RACK1: variants seen among roughly 807,000 people sequenced by gnomAD.
RACK1 encodes the protein small ribosomal subunit protein RACK1.
A neutral mutation model predicts 42.2 loss-of-function variants in RACK1; 3 were observed. The ratio of observed to expected loss-of-function variants is 0.07; its 90% CI spans 0.03 to 0.18. The LOEUF is 0.18. Ranked by LOEUF, RACK1 falls within the 10% of genes least tolerant of loss-of-function variation. The pLI is 1.00. For missense variants in RACK1, 146 were observed against 403.2 expected, an observed-to-expected ratio of 0.36 and a Z score of 5.46; for synonymous variants, 181 against 154.8, an observed-to-expected ratio of 1.17 and a Z score of -1.25.
At chr5:181,237,538 GAT>G (rs1759186907) in intron 7 of RACK1, 69 bp downstream of exon 7, 1 of 851,084 alleles carries the variant, frequency 1.2e-6, no homozygotes, top group African/African-American at 1.7e-5. Context: ...TGACAGACTA[GAT>G]ATACTAACAG....
Position 181,239,534 on chromosome 5 carries a change from T to C in RACK1, c.478A>G (p.Ser160Gly). ...WVSCVRFSPNSSNPIIVSCGW... is the reference protein window; with the variant it reads ...WVSCVRFSPNGSNPIIVSCGW... ...CAGGAGACGATGATAGGGTTGCTGCTGTTGGGCGAGAAGCGGACACAAGAC... is the reference window on the plus strand; with the variant it reads ...CAGGAGACGATGATAGGGTTGCTGCCGTTGGGCGAGAAGCGGACACAAGAC... Residue 160 changes from serine to glycine, a missense_variant, in exon 4 of 8, where the codon AGC becomes GGC. Coordinates refer to ENST00000512805, the MANE Select transcript of RACK1 (RefSeq NM_006098.5). 4 of 1,614,048 alleles carry C rather than the reference T, an allele frequency of 2.5e-6. No individual in the cohort carries two copies. The highest frequency in any genetic ancestry group is 1.3e-5 in the African/African-American group (1 of 75,036).
In RACK1 at chr5:181,243,862, C is replaced by T. The variant is rs2113222336; in HGVS notation, c.-62G>A. ...GATGGCACTGGATGGCTTAGAGAAA[C>T]TAGCACCACAACCTCTCCTGCCGCC... On this transcript the variant is annotated 5_prime_UTR_variant, in exon 1 of 8. Coordinates refer to ENST00000512805, the MANE Select transcript of RACK1 (RefSeq NM_006098.5). 1.3e-6 allele frequency: 2 copies of T among 1,528,652 alleles called. No individual in the cohort carries two copies. Among genetic ancestry groups the T allele is most frequent in the South Asian group, 1.2e-5 (1 of 82,012 alleles). 94.7% of individuals were successfully genotyped at this position (1,528,652 alleles called of 1,614,324 possible). A position where few individuals can be genotyped will look rare whatever the true frequency, so the allele number is the denominator to read the frequency against.
intron 5 of RACK1, 177 bp from the exon 6 acceptor site, chr5:181,238,416 C>G: frequency 3.3e-6 from 2 of 604,080 alleles, no homozygotes; most frequent in Non-Finnish European, 5.7e-6. Context: ...TAACGTAAGA[C>G]CTTACCAACC....
rs1259436680 is a variant in RACK1 at position 181,243,856 on chromosome 5, G to C, written c.-56C>G. 2.6e-6 allele frequency: 4 copies of C among 1,541,750 alleles called. No individual in the cohort carries two copies. The South Asian group carries it at 3.6e-5, about 14-fold the overall frequency. ...GACGAGGATGGCACTGGATGGCTTA[G>C]AGAAACTAGCACCACAACCTCTCCT... On this transcript the variant is annotated 5_prime_UTR_variant, in exon 1 of 8. Coordinates refer to ENST00000512805, the MANE Select transcript of RACK1 (RefSeq NM_006098.5).
chr5:181,241,139 A>AT, intron 3 of RACK1: 1 of 163,604 alleles, frequency 6.1e-6, no homozygotes, highest in Non-Finnish European at 1.3e-5. Flanking sequence ...AAAAAAAAAA[A>AT]GGCAAAGATA....
At chr5:181,237,414 C>G (rs1759181465) in intron 7 of RACK1, 195 bp downstream of exon 7, 3 of 682,898 alleles carry the variant, frequency 4.4e-6, no homozygotes, top group Non-Finnish European at 8.0e-6. Context: ...CCACTGCGTT[C>G]CACATCAGTC....
chr5:181,242,039 C>T lies in RACK1; in HGVS notation c.281+135G>A, dbSNP rs921432255. The stretch of plus-strand genomic sequence containing the variant: ...CTTATTTAAAGTGAGGGAGGCCAAA[C>T]ATCTTCTGTAGGTGTGCTCTGCTTT... On this transcript the variant is annotated intron_variant, in intron 2 of 7. Coordinates refer to ENST00000512805, the MANE Select transcript of RACK1 (RefSeq NM_006098.5). 5 of 845,952 alleles carry T rather than the reference C, an allele frequency of 5.9e-6. No homozygotes were observed. In the African/African-American group the frequency reaches 6.6e-5, roughly 11 times the overall value. 52.4% of individuals were successfully genotyped at this position (845,952 alleles called of 1,614,324 possible).
intron 1 of RACK1, chr5:181,242,618 C>A (rs1467087926): frequency 1.6e-5 from 8 of 495,496 alleles, no homozygotes; most frequent in Non-Finnish European, 2.7e-5. Context: ...AGTGCAGTGG[C>A]ATGATCTCGG....
chr5:181,243,200 G>T, intron 1 of RACK1: 1 of 1,138,520 alleles, frequency 8.8e-7, no homozygotes, highest in Non-Finnish European at 1.2e-6. Context: ...AACGCAGTCA[G>T]GAACACAGGG....
intron 2 of RACK1, 27 bp from the exon 3 acceptor site, chr5:181,241,666 A>C: frequency 6.2e-7 from 1 of 1,612,508 alleles, no homozygotes; most frequent in Non-Finnish European, 8.5e-7. Flanking sequence ...TGTCATTCTC[A>C]GACTTAGCAA....
At chr5:181,240,237 C>T in intron 3 of RACK1, 1 of 167,268 alleles carries the variant, frequency 6.0e-6, no homozygotes. Context: ...CGCCTGTAGT[C>T]CCAGCGACTC....
intron 3 of RACK1, 34 bp from the exon 4 acceptor site, chr5:181,239,616 G>A: frequency 7.1e-7 from 1 of 1,407,322 alleles, no homozygotes; most frequent in Non-Finnish European, 1.0e-6. Context: ...AGGGCAAACA[G>A]TCCTATCCCA....
chr5:181,237,317 T>C, intron 7 of RACK1: 1 of 718,392 alleles, frequency 1.4e-6, no homozygotes, highest in Non-Finnish European at 2.5e-6. Flanking sequence ...TGGTTATGTA[T>C]TCCTTGAGGA....
chr5:181,242,453 G>C (rs146525906), intron 1 of RACK1, 108 bp from the exon 2 acceptor site: 35 of 720,508 alleles, frequency 4.9e-5, no homozygotes, highest in African/African-American at 3.9e-4. Context: ...CAACAACTAA[G>C]GACGCTTAAG....
At chr5:181,240,330 G>A in intron 3 of RACK1, 1 of 154,930 alleles carries the variant, frequency 6.5e-6, no homozygotes. Flanking sequence ...ACTCCAGCCT[G>A]GGCGACAGAA....
At chr5:181,242,640 C>T (rs1380148218) in intron 1 of RACK1, 2 of 446,426 alleles carry the variant, frequency 4.5e-6, no homozygotes, top group African/African-American at 2.0e-5. Context: ...TCACTCCAAA[C>T]TCCACCTCCC....
intron 7 of RACK1, 167 bp from the exon 8 acceptor site, chr5:181,237,209 C>A (rs1561678550): frequency 7.6e-7 from 1 of 1,324,232 alleles, no homozygotes; most frequent in South Asian, 1.3e-5. Context: ...CCCTGCAGTT[C>A]AAGAGATCCT....
chr5:181,239,526 G>A lies in RACK1; in HGVS notation c.486C>T (p.Asn162=). 1 of 1,613,946 alleles carries A rather than the reference G, an allele frequency of 6.2e-7. No individual in the cohort carries two copies. Among genetic ancestry groups the A allele is most frequent in the Non-Finnish European group, 8.5e-7 (1 of 1,179,860 alleles). Residue 162 remains asparagine, a synonymous_variant, in exon 4 of 8, where the codon AAC becomes AAT. Coordinates refer to ENST00000512805, the MANE Select transcript of RACK1 (RefSeq NM_006098.5). ...CCCAGCCACAGGAGACGATGATAGG[G>A]TTGCTGCTGTTGGGCGAGAAGCGGA... ...SCVRFSPNSS[N]PIIVSCGWDK...
chr5:181,237,105 C>G (rs2770995), intron 7 of RACK1, 63 bp from the exon 8 acceptor site: 106,150 of 1,604,780 alleles, frequency 0.066, 9,278 homozygotes, highest in African/African-American at 0.38. Flanking sequence ...TCACTAGATT[C>G]AGCCCAAGTG....
Sources: gnomAD v4.1 joint callset for allele counts on GRCh38, gnomAD v4.1.1 for gene constraint, MANE v1.5 for transcripts, NCBI Gene and HGNC (gene_info 2026-07-23, HGNC 2026-07-21) for gene names.